The following GABRB2 variants were observed in gnomAD, a reference collection of about 807,000 sequenced individuals.
The protein encoded by GABRB2 is gamma-aminobutyric acid type A receptor subunit beta2, also known as gamma-aminobutyric acid receptor subunit beta-2.
In GABRB2, 16 loss-of-function variants were observed where a neutral mutation model predicts 54.7. The observed-to-expected ratio is 0.29, with a 90% confidence interval of 0.20 to 0.44. The LOEUF (loss-of-function observed/expected upper bound fraction) is 0.44, where lower values mean the gene tolerates loss of function less well. Ranked by LOEUF, GABRB2 falls within the 20% of genes least tolerant of loss-of-function variation. The pLI, the probability that GABRB2 is intolerant of heterozygous loss-of-function variation, is 1.00. For missense variants in GABRB2, 355 were observed against 644.0 expected (o/e 0.55, Z 4.86); for synonymous variants, 244 against 233.8 (o/e 1.04, Z -0.40).
intron 3 of GABRB2, among the ~76,000 whole-genome samples, chr5:161,526,376 T>A (rs1176639046): frequency 6.6e-6 from 1 of 151,344 alleles, no homozygotes; most frequent in East Asian, 1.9e-4. Context: ...GGAGACAAGT[T>A]ATCACTCTAA....
At chr5:161,297,443 C>G (rs1039824730) in intron 9 of GABRB2, among the ~76,000 whole-genome samples, 1 of 152,040 alleles carries the variant, frequency 6.6e-6, no homozygotes, top group African/African-American at 2.4e-5. Flanking sequence ...GTCCCCCACC[C>G]CCTGACAGGC....
chr5:161,450,637 T>C (rs1040637055), intron 4 of GABRB2, among the ~76,000 whole-genome samples: 1 of 152,110 alleles, frequency 6.6e-6, no homozygotes, highest in Non-Finnish European at 1.5e-5. Context: ...GGGATTCTGC[T>C]CTGTGGTTTG....
At chr5:161,435,002 T>C (rs1757269954) in intron 4 of GABRB2, among the ~76,000 whole-genome samples, 2 of 152,176 alleles carry the variant, frequency 1.3e-5, no homozygotes. Flanking sequence ...ATTATCACAA[T>C]GCGGTGTTAT....
At chr5:161,496,330 A>G (rs1002368924) in intron 3 of GABRB2, among the ~76,000 whole-genome samples, 8 of 152,122 alleles carry the variant, frequency 5.3e-5, no homozygotes, top group Admixed American at 3.3e-4. Flanking sequence ...CATTATTTTG[A>G]TTCATTTTTT....
Position 161,411,942 on chromosome 5 carries a change from C to T in GABRB2, c.459-885G>A, listed in dbSNP as rs773034867. Among the ~76,000 whole-genome samples, 4 of 151,982 alleles carry T rather than the reference C, an allele frequency of 2.6e-5. No individual in the cohort carries two copies. In the South Asian group the frequency reaches 8.3e-4, roughly 32 times the overall value. On this transcript the variant is annotated intron_variant, in intron 4 of 9. Transcript: ENST00000393959. ...TGAGTTCCATTTTTTAGTAAAAACTCCAACAGAGTACTTGGCACATAGTAG... is the reference window on the plus strand; with the variant it reads ...TGAGTTCCATTTTTTAGTAAAAACTTCAACAGAGTACTTGGCACATAGTAG...
At chr5:161,519,061 T>G (rs537674352) in intron 3 of GABRB2, among the ~76,000 whole-genome samples, 1 of 152,242 alleles carries the variant, frequency 6.6e-6, no homozygotes, top group Admixed American at 6.5e-5. Context: ...GTAATGAACA[T>G]GTTGAGATGG....
intron 4 of GABRB2, among the ~76,000 whole-genome samples, chr5:161,436,246 T>C (rs1361356952): frequency 1.3e-5 from 2 of 151,994 alleles, no homozygotes; most frequent in Non-Finnish European, 2.9e-5. Flanking sequence ...AAACAAATGA[T>C]TGGAAGCTGA....
chr5:161,364,593 T>C (rs1227095731), intron 5 of GABRB2, among the ~76,000 whole-genome samples: 1 of 152,226 alleles, frequency 6.6e-6, no homozygotes, highest in Non-Finnish European at 1.5e-5. Context: ...ATCCATTTCA[T>C]ATTTGGTTGT....
intron 3 of GABRB2, among the ~76,000 whole-genome samples, chr5:161,524,120 G>A (rs149410675): frequency 1.9e-4 from 29 of 151,402 alleles, no homozygotes; most frequent in Admixed American, 1.9e-3. Flanking sequence ...AATGGGATCT[G>A]AGATTATTTC....
At chr5:161,296,959 C>T (rs1174953579) in intron 9 of GABRB2, among the ~76,000 whole-genome samples, 1 of 152,124 alleles carries the variant, frequency 6.6e-6, no homozygotes, top group East Asian at 1.9e-4. Context: ...AAAACTAAAG[C>T]ACCAGGCAAA....
intron 4 of GABRB2, among the ~76,000 whole-genome samples, chr5:161,429,356 A>AAAAAAAAAAAAG (rs1561646902): frequency 1.9e-4 from 28 of 147,886 alleles, no homozygotes; most frequent in African/African-American, 6.5e-4. Context: ...AAAAAAAAAA[A>AAAAAAAAAAAAG]AAGAAAAAGA....
intron 4 of GABRB2, among the ~76,000 whole-genome samples, chr5:161,416,694 CTCAAA>C (rs1304566793): frequency 6.6e-3 from 87 of 13,162 alleles, no homozygotes; most frequent in African/African-American, 0.014. Context: ...CAGACTCCGT[CTCAAA>C]AAAAAAAAAA....
chr5:161,294,302 G>T lies in GABRB2; in HGVS notation c.1318C>A (p.Gln440Lys), dbSNP rs1757319957. The T allele has an allele frequency of 6.2e-7, 1 of 1,614,098 alleles. No individual in the cohort carries two copies. The highest frequency in any genetic ancestry group is 8.5e-7 in the Non-Finnish European group (1 of 1,180,006). Residue 440 changes from glutamine (Q) to lysine (K), a missense_variant, in exon 10 of 10, where the codon CAG (glutamine) becomes AAG (lysine). By Grantham distance (53) the Gln-to-Lys change is moderately conservative (BLOSUM62 1). Around this residue, in one of 6 missense-constraint regions of GABRB2, gnomAD observed 201 missense variants for 228.1 expected, o/e 0.88. Coordinates refer to ENST00000393959, the MANE Select transcript of GABRB2 (RefSeq NM_001371727.1). ...TMLAYDASSI[Q>K]YRKAGLPRHS... ...CTGGGCAACCCAGCTTTCCGATACT[G>T]GATGCTGGAGGCATCATAGGCTAGC...
At position 161,378,852 on chromosome 5, in the gene GABRB2, C is replaced by T. The variant is rs181676836; in HGVS notation, c.541+32123G>A. On this transcript the variant is annotated intron_variant, in intron 5 of 9. Coordinates refer to ENST00000393959, the MANE Select transcript of GABRB2 (RefSeq NM_001371727.1). ...GAGAGCTATTAAAATGGAATCAGTT[C>T]CAGTGTAATTCAAGCTGGAGTGCCT... Among the ~76,000 whole-genome samples, 111 of 152,210 alleles carry T rather than the reference C, an allele frequency of 7.3e-4. No individual in the cohort carries two copies. In the East Asian group the frequency reaches 0.015, roughly 21 times the overall value.
At chr5:161,411,330 C>T (rs567323216) in intron 4 of GABRB2, among the ~76,000 whole-genome samples, 7 of 152,178 alleles carry the variant, frequency 4.6e-5, no homozygotes, top group Non-Finnish European at 1.0e-4. Context: ...TCTCATGCCT[C>T]CAGCATGTGT....
At chr5:161,428,455 C>T (rs1757076839) in intron 4 of GABRB2, among the ~76,000 whole-genome samples, 1 of 152,086 alleles carries the variant, frequency 6.6e-6, no homozygotes, top group South Asian at 2.1e-4. Flanking sequence ...TGACCTATAT[C>T]TCCTCATTTC....
intron 5 of GABRB2, among the ~76,000 whole-genome samples, chr5:161,409,824 A>T (rs1756455189): frequency 6.6e-6 from 1 of 152,184 alleles, no homozygotes; most frequent in African/African-American, 2.4e-5. Flanking sequence ...ACATAAAGTT[A>T]ATAATTGAAA....
intron 5 of GABRB2, among the ~76,000 whole-genome samples, chr5:161,407,280 T>G (rs1756374303): frequency 6.6e-6 from 1 of 152,090 alleles, no homozygotes; most frequent in South Asian, 2.1e-4. Flanking sequence ...AGTATCCCCC[T>G]GACTATTCCT....
intron 4 of GABRB2, among the ~76,000 whole-genome samples, chr5:161,414,974 T>A (rs930076334): frequency 6.6e-6 from 1 of 152,210 alleles, no homozygotes; most frequent in African/African-American, 2.4e-5. Context: ...TGTTTGAGAC[T>A]TTTTGATTTA....
Sources: gnomAD v4.1 joint callset for allele counts (sites outside exome capture counted in the v4.1 genomes callset) on GRCh38, gnomAD v4.1.1 for gene constraint, gnomAD v4.1.1 regional missense constraint, MANE v1.5 for transcripts, NCBI Gene and HGNC (gene_info 2026-07-23, HGNC 2026-07-21) for gene names.